LRIG1: variants seen among roughly 807,000 people sequenced by gnomAD.
LRIG1 encodes the protein leucine rich repeats and immunoglobulin like domains 1.
Under a neutral mutation model 99.2 loss-of-function variants are expected in LRIG1, and 48 were observed. That is an observed-to-expected ratio of 0.48 (90% CI 0.38 to 0.62). The LOEUF (loss-of-function observed/expected upper bound fraction) is 0.62. Among genes scored for constraint, LRIG1 ranks in the 20% least tolerant of loss-of-function variants. The probability of loss-of-function intolerance (pLI) is 0.00; values close to 1 mark genes in which losing one functional copy is unlikely to be tolerated. For synonymous variants in LRIG1, 772 were observed against 596.1 expected, an observed-to-expected ratio of 1.29 and a Z score of -4.30; for missense variants, 1,646 against 1,434.4, an observed-to-expected ratio of 1.15 and a Z score of -2.38.
intron 1 of LRIG1, among the ~76,000 whole-genome samples, chr3:66,472,473 G>A (rs1480857649): frequency 2.0e-5 from 3 of 152,092 alleles, no homozygotes; most frequent in Non-Finnish European, 4.4e-5. Context: ...CTCCTGTTCC[G>A]ATACACTGAA....
chr3:66,491,945 G>A (rs1391359047), intron 1 of LRIG1, among the ~76,000 whole-genome samples: 1 of 152,166 alleles, frequency 6.6e-6, no homozygotes, highest in Non-Finnish European at 1.5e-5. Context: ...TAAACTACCT[G>A]CCTGCATATC....
chr3:66,486,377 C>A (rs922042941), intron 1 of LRIG1, among the ~76,000 whole-genome samples: 9 of 152,146 alleles, frequency 5.9e-5, no homozygotes. Flanking sequence ...AACCACCGTG[C>A]GTCATGAACC....
At chr3:66,440,231 T>G (rs1703497289) in intron 3 of LRIG1, among the ~76,000 whole-genome samples, 1 of 152,056 alleles carries the variant, frequency 6.6e-6, no homozygotes, top group Non-Finnish European at 1.5e-5. Context: ...CCCCCTCTGC[T>G]CCCCAGCCCA....
Position 66,407,402 on chromosome 3 carries a change from G to A in LRIG1, c.1025C>T (p.Ser342Phe). Residue 342 changes from serine (S) to phenylalanine (F), a missense_variant, in exon 8 of 19, where the codon TCC becomes TTC. Coordinates refer to ENST00000273261, the MANE Select transcript of LRIG1 (RefSeq NM_015541.3). ...SLSVLRLSHN[S>F]ISHIAEGAFK... ...GGCACCCTCCGCAATGTGGCTGATGGAATTGTGGCTGAGACGCAGGACACT... is the reference window on the plus strand; with the variant it reads ...GGCACCCTCCGCAATGTGGCTGATGAAATTGTGGCTGAGACGCAGGACACT... The A allele has an allele frequency of 3.1e-6, 5 of 1,614,098 alleles. No individual in the cohort carries two copies. Among genetic ancestry groups the A allele is most frequent in the African/African-American group, 1.3e-5 (1 of 75,032 alleles).
intron 3 of LRIG1, among the ~76,000 whole-genome samples, chr3:66,423,566 C>A (rs1702887511): frequency 6.6e-6 from 1 of 152,210 alleles, no homozygotes; most frequent in Non-Finnish European, 1.5e-5. Context: ...AGCAAAACTC[C>A]ATCTCAAAAG....
intron 11 of LRIG1, 44 bp downstream of exon 11, chr3:66,398,060 CTCTGAAAG>C: frequency 7.1e-7 from 1 of 1,411,120 alleles, no homozygotes; most frequent in Non-Finnish European, 1.0e-6. Context: ...AAGTTTCTTA[CTCTGAAAG>C]TCTCCACTAC....
At chr3:66,382,693 G>A (rs1022079706) in intron 15 of LRIG1, among the ~76,000 whole-genome samples, 5 of 152,248 alleles carry the variant, frequency 3.3e-5, no homozygotes, top group South Asian at 2.1e-4. Flanking sequence ...AACCTACTAC[G>A]TGGCAGCAGG....
chr3:66,491,487 G>A (rs183152791), intron 1 of LRIG1, among the ~76,000 whole-genome samples: 5 of 152,120 alleles, frequency 3.3e-5, no homozygotes, highest in Non-Finnish European at 2.9e-5. Flanking sequence ...TCTGTATTTT[G>A]AGAACATATA....
rs1034500168 is a variant in LRIG1, at chr3:66,401,606, T to TA, written c.1161-2566dup. 3.9e-6 allele frequency: 6 copies of TA among 1,521,576 alleles called. No individual in the cohort carries two copies. The African/African-American group carries it at 8.3e-5, about 21-fold the overall frequency. 94.3% of individuals were successfully genotyped at this position (1,521,576 alleles called of 1,614,324 possible). ...TTGTTGGTAGATTAGGCAGGGTCCT[T>TA]ACCTTCCCCCAGCAGACATATGGGG... On this transcript the variant is annotated intron_variant, in intron 9 of 18. Transcript: ENST00000273261.
chr3:66,438,356 G>A (rs969471162), intron 3 of LRIG1, among the ~76,000 whole-genome samples: 2 of 152,210 alleles, frequency 1.3e-5, no homozygotes, highest in African/African-American at 2.4e-5. Context: ...AACTAGGGAT[G>A]TGAGTCTGTT....
chr3:66,396,179 G>A (rs1701841773), intron 11 of LRIG1, among the ~76,000 whole-genome samples: 1 of 152,202 alleles, frequency 6.6e-6, no homozygotes, highest in African/African-American at 2.4e-5. Context: ...GAAGACAGTG[G>A]GTACTCAGGG....
At chr3:66,454,470 T>C (rs1241559676) in intron 2 of LRIG1, among the ~76,000 whole-genome samples, 3 of 152,182 alleles carry the variant, frequency 2.0e-5, no homozygotes. Flanking sequence ...TTTTTAAATA[T>C]CTACGATTGT....
At chr3:66,448,218 A>T (rs9867624) in intron 3 of LRIG1, among the ~76,000 whole-genome samples, 1 of 152,292 alleles carries the variant, frequency 6.6e-6, no homozygotes, top group East Asian at 1.9e-4. Flanking sequence ...TCTTTTGAAG[A>T]CCTGACAGAA....
chr3:66,386,032 T>C lies in LRIG1; in HGVS notation c.1738A>G (p.Thr580Ala). 1.9e-6 allele frequency: 3 copies of C among 1,614,172 alleles called. No homozygotes were observed. Among genetic ancestry groups the C allele is most frequent in the Non-Finnish European group, 2.5e-6 (3 of 1,180,008 alleles). Residue 580 changes from threonine (T) to alanine (A), a missense_variant, in exon 13 of 19, where the codon ACC becomes GCC. Coordinates refer to ENST00000273261, the MANE Select transcript of LRIG1 (RefSeq NM_015541.3). ...GHEGRYQCVI[T>A]NHFGSTYSHK... ...GAATAGGTGGAGCCAAAGTGGTTGGTGATGACACATTGGTAGCGGCCCTCG... is the reference window on the plus strand; with the variant it reads ...GAATAGGTGGAGCCAAAGTGGTTGGCGATGACACATTGGTAGCGGCCCTCG...
At chr3:66,495,826 G>C (rs1412228588) in intron 1 of LRIG1, among the ~76,000 whole-genome samples, 1 of 152,180 alleles carries the variant, frequency 6.6e-6, no homozygotes, top group Non-Finnish European at 1.5e-5. Context: ...CCCTGAAAGA[G>C]AGGAGGCTGA....
chr3:66,422,483 A>G (rs948180694), intron 3 of LRIG1, among the ~76,000 whole-genome samples: 2 of 152,218 alleles, frequency 1.3e-5, no homozygotes, highest in Admixed American at 1.3e-4. Context: ...TCTCTTTGCT[A>G]AAGCATAACA....
In LRIG1 at chr3:66,413,022, G is replaced by T; in HGVS notation, c.648-8C>A. 6.2e-7 allele frequency: 1 copy of T among 1,614,126 alleles called. No homozygotes were observed. Among genetic ancestry groups the T allele is most frequent in the African/African-American group, 1.3e-5 (1 of 75,038 alleles). On this transcript the variant is annotated splice_region_variant and splice_polypyrimidine_tract_variant and intron_variant, in intron 5 of 18. Transcript: ENST00000273261. ...CTGTTCCGATTGAGGTCCCTAAAGAGATGAAGCCAGCAGGGTCAGAGTGTC... is the reference window on the plus strand; with the variant it reads ...CTGTTCCGATTGAGGTCCCTAAAGATATGAAGCCAGCAGGGTCAGAGTGTC...
chr3:66,413,501 C>T (rs908043011), intron 5 of LRIG1, among the ~76,000 whole-genome samples: 2 of 152,220 alleles, frequency 1.3e-5, no homozygotes, highest in Non-Finnish European at 2.9e-5. Context: ...GGGCATTTCA[C>T]AGCATCTCCA....
intron 3 of LRIG1, among the ~76,000 whole-genome samples, chr3:66,422,939 G>C (rs1230948930): frequency 6.6e-6 from 1 of 152,150 alleles, no homozygotes; most frequent in Non-Finnish European, 1.5e-5. Flanking sequence ...AGTTTGTGCA[G>C]GGAAACTCCA....
Sources: gnomAD v4.1 joint callset for allele counts (sites outside exome capture counted in the v4.1 genomes callset) on GRCh38, gnomAD v4.1.1 for gene constraint, MANE v1.5 for transcripts, NCBI Gene and HGNC (gene_info 2026-07-23, HGNC 2026-07-21) for gene names.